OTOA: variants seen among roughly 807,000 people sequenced by gnomAD.
The protein encoded by OTOA is otoancorin.
Under a neutral mutation model 110.8 loss-of-function variants are expected in OTOA, and 70 were observed. The ratio of observed to expected loss-of-function variants is 0.63; its 90% CI spans 0.52 to 0.77. The LOEUF is 0.77. Among genes scored for constraint, OTOA ranks in the 30% least tolerant of loss-of-function variants. OTOA has a pLI of 0.00. For synonymous variants in OTOA, 373 were observed against 431.5 expected (o/e 0.86, Z 1.68); for missense variants, 917 against 1,075.8 (o/e 0.85, Z 2.06).
At chr16:21,674,479 A>T (rs897998849) in intron 1 of OTOA, among the ~76,000 whole-genome samples, 1 of 151,656 alleles carries the variant, frequency 6.6e-6, no homozygotes, top group Non-Finnish European at 1.5e-5. Flanking sequence ...GACTACAGGC[A>T]TGAGCCACCA....
intron 22 of OTOA, among the ~76,000 whole-genome samples, chr16:21,737,972 G>A (rs529563550): frequency 1.3e-5 from 2 of 152,406 alleles, no homozygotes; most frequent in East Asian, 3.9e-4. Flanking sequence ...CACCAATTTT[G>A]TAAATAAAGA....
chr16:21,732,391 G>A (rs1159978302), intron 21 of OTOA, among the ~76,000 whole-genome samples: 5 of 151,922 alleles, frequency 3.3e-5, no homozygotes, highest in East Asian at 1.9e-4. Context: ...GGTTACATGA[G>A]TAAGTTCTTT....
intron 11 of OTOA, 175 bp downstream of exon 11, chr16:21,701,202 A>C: frequency 1.1e-6 from 1 of 903,934 alleles, no homozygotes; most frequent in Non-Finnish European, 1.7e-6. Flanking sequence ...TTTTTTATGA[A>C]GAGGTTATGA....
At chr16:21,697,935 T>G in intron 10 of OTOA, 60 bp downstream of exon 10, 1 of 1,407,648 alleles carries the variant, frequency 7.1e-7, no homozygotes, top group Non-Finnish European at 1.0e-6. Flanking sequence ...GTAAGGTGTA[T>G]TCTCAAACTC....
chr16:21,755,447 CGTGTGTGT>C (rs4016992), intron 27 of OTOA, among the ~76,000 whole-genome samples: 69 of 68,570 alleles, frequency 1.0e-3, no homozygotes, highest in African/African-American at 2.8e-3. Flanking sequence ...ACCACCCCAC[CGTGTGTGT>C]GTGTGTGTGT....
Position 21,679,200 on chromosome 16 carries a change from A to G in OTOA, c.168A>G (p.Ile56Met), listed in dbSNP as rs1966870650. 4 of 1,613,548 alleles carry G rather than the reference A, an allele frequency of 2.5e-6. No homozygotes were observed. Among genetic ancestry groups the G allele is most frequent in the Non-Finnish European group, 3.4e-6 (4 of 1,179,906 alleles). Residue 56 changes from isoleucine to methionine, a missense_variant, in exon 5 of 29, where the codon ATA becomes ATG. Coordinates refer to ENST00000646100, the MANE Select transcript of OTOA (RefSeq NM_144672.4). Reference sequence around the variant, plus strand: ...CCATTGTAGCACTGCTGGATCTCATACAGTTTCAAAGGTAAAATGCCCTAG... The same window carrying G: ...CCATTGTAGCACTGCTGGATCTCATGCAGTTTCAAAGGTAAAATGCCCTAG... ...GSYLNALLDL[I>M]QFQSSHVWTD...
intron 23 of OTOA, among the ~76,000 whole-genome samples, chr16:21,744,218 T>C (rs982198984): frequency 1.3e-5 from 2 of 150,198 alleles, no homozygotes; most frequent in Admixed American, 6.6e-5. Flanking sequence ...TGGCACCATC[T>C]TGGCTAACTG....
At chr16:21,755,661 A>G (rs1422243665) in intron 27 of OTOA, among the ~76,000 whole-genome samples, 1 of 142,294 alleles carries the variant, frequency 7.0e-6, no homozygotes, top group African/African-American at 2.6e-5. Flanking sequence ...CACTTGGCTA[A>G]TTAAAAAAAC....
At chr16:21,696,973 T>A (rs1256688834) in intron 9 of OTOA, among the ~76,000 whole-genome samples, 1 of 149,236 alleles carries the variant, frequency 6.7e-6, no homozygotes, top group Non-Finnish European at 1.5e-5. Flanking sequence ...AGCTGTAGCC[T>A]CAAATTCCTG....
intron 1 of OTOA, among the ~76,000 whole-genome samples, chr16:21,672,537 C>A (rs751989919): frequency 6.6e-6 from 1 of 150,784 alleles, no homozygotes; most frequent in Non-Finnish European, 1.5e-5. Context: ...GCAGGAGAAT[C>A]GCTTGCACCT....
Position 21,716,897 on chromosome 16 carries a change from C to A in OTOA, c.1489-10C>A, listed in dbSNP as rs777632472. On this transcript the variant is annotated splice_polypyrimidine_tract_variant and intron_variant, in intron 14 of 28. Coordinates refer to ENST00000646100, the MANE Select transcript of OTOA (RefSeq NM_144672.4). ...TACAATGTTGTTTTGTTGCTTCTCG[C>A]TTCTGGCAGATGGTCCAAGCGGAAG... The A allele has an allele frequency of 1.3e-5, 21 of 1,613,722 alleles. No homozygotes were observed. Among genetic ancestry groups the A allele is most frequent in the Non-Finnish European group, 1.7e-5 (20 of 1,179,946 alleles).
chr16:21,709,784 G>A (rs1898298214), intron 12 of OTOA, 104 bp from the exon 13 acceptor site: 1 of 1,011,048 alleles, frequency 9.9e-7, no homozygotes, highest in South Asian at 1.3e-5. Flanking sequence ...TGATGGAACA[G>A]GGTCAAGGGA....
At chr16:21,689,584 T>G (rs1014853067) in intron 8 of OTOA, among the ~76,000 whole-genome samples, 1 of 152,176 alleles carries the variant, frequency 6.6e-6, no homozygotes, top group African/African-American at 2.4e-5. Flanking sequence ...TAGGGCTGAC[T>G]TCAGACGCAG....
At chr16:21,706,232 T>A (rs1210478851) in intron 12 of OTOA, among the ~76,000 whole-genome samples, 1 of 152,198 alleles carries the variant, frequency 6.6e-6, no homozygotes, top group Non-Finnish European at 1.5e-5. Context: ...TTCTTCCTCC[T>A]TCTTCCCTTG....
chr16:21,721,278 C>A (rs986146724), intron 17 of OTOA: 3 of 435,816 alleles, frequency 6.9e-6, no homozygotes, highest in Non-Finnish European at 1.4e-5. Context: ...CACACACACA[C>A]AAACAACCAA....
rs1412323293 is a variant in OTOA, at chr16:21,678,618, G to A, written c.91+13G>A. The A allele has an allele frequency of 6.2e-7, 1 of 1,606,664 alleles. No individual in the cohort carries two copies. The highest frequency in any genetic ancestry group is 1.1e-5 in the South Asian group (1 of 90,878). On this transcript the variant is annotated intron_variant, in intron 2 of 28. Coordinates refer to ENST00000646100, the MANE Select transcript of OTOA (RefSeq NM_144672.4). ...AATTCCAGGCAGGGTAAGTCCTGAG[G>A]GAAGAATCACCCTTTGTGGTTTCCA... is the stretch of plus-strand genomic sequence containing the variant.
At chr16:21,692,338 A>G (rs867324764) in intron 9 of OTOA, among the ~76,000 whole-genome samples, 1 of 152,092 alleles carries the variant, frequency 6.6e-6, no homozygotes, top group Non-Finnish European at 1.5e-5. Flanking sequence ...AAAAAAAAAA[A>G]AAGAGAGAGA....
At chr16:21,697,931 T>C in intron 10 of OTOA, 56 bp downstream of exon 10, 1 of 1,450,768 alleles carries the variant, frequency 6.9e-7, no homozygotes, top group Non-Finnish European at 9.7e-7. Context: ...TGGGGTAAGG[T>C]GTATTCTCAA....
intron 21 of OTOA, among the ~76,000 whole-genome samples, chr16:21,735,371 G>A (rs1321179575): frequency 6.6e-6 from 1 of 151,662 alleles, no homozygotes; most frequent in Non-Finnish European, 1.5e-5. Flanking sequence ...TCGAGAGAAC[G>A]CACGCACTAT....
Sources: allele counts gnomAD v4.1 joint callset (sites outside exome capture counted in the v4.1 genomes callset), GRCh38; gene constraint gnomAD v4.1.1; transcripts MANE v1.5; gene names NCBI Gene and HGNC (gene_info 2026-07-23, HGNC 2026-07-21).